PPP2CA: variants seen among roughly 807,000 people sequenced by gnomAD.
PPP2CA encodes protein phosphatase 2 catalytic subunit alpha, also known as serine/threonine-protein phosphatase 2A catalytic subunit alpha isoform.
A neutral mutation model predicts 38.8 loss-of-function variants in PPP2CA; 5 were observed. The ratio of observed to expected loss-of-function variants is 0.13; its 90% CI spans 0.07 to 0.27. The LOEUF (loss-of-function observed/expected upper bound fraction) is 0.27. PPP2CA is among the 10% of genes least tolerant of loss of function. The pLI, the probability that PPP2CA is intolerant of heterozygous loss-of-function variation, is 1.00. For synonymous variants in PPP2CA, 152 were observed against 134.0 expected (o/e 1.13, Z -0.93); for missense variants, 88 against 389.7 (o/e 0.23, Z 6.52).
intron 2 of PPP2CA, among the ~76,000 whole-genome samples, chr5:134,203,142 T>C (rs1762004199): frequency 6.6e-6 from 1 of 152,122 alleles, no homozygotes; most frequent in Non-Finnish European, 1.5e-5. Flanking sequence ...TCTGGTGTCA[T>C]CTTTTGAAAA....
At chr5:134,219,984 C>T in intron 1 of PPP2CA, among the ~76,000 whole-genome samples, 1 of 143,836 alleles carries the variant, frequency 7.0e-6, no homozygotes, top group Non-Finnish European at 1.5e-5. Flanking sequence ...GTACTCTGGC[C>T]TGGGCAACAG....
At position 134,196,362 on chromosome 5, in the gene PPP2CA, G is replaced by C. The variant is rs1035768756; in HGVS notation, c.*1410C>G. 1 of 152,156 alleles carries C rather than the reference G, an allele frequency of 6.6e-6. No individual in the cohort carries two copies. Among genetic ancestry groups the C allele is most frequent in the Non-Finnish European group, 1.5e-5 (1 of 68,022 alleles). The allele number at this position is 152,156 out of a possible 1,614,324, so 9.4% of individuals were successfully genotyped here. A position where few individuals can be genotyped will look rare whatever the true frequency, so the allele number is the denominator to read the frequency against. ...ATATCAAATATTAGTTCCCACAGAA[G>C]AACTTTTTTTTAAACATCTAATCCT... On this transcript the variant is annotated 3_prime_UTR_variant, in exon 7 of 7. Coordinates refer to ENST00000481195, the MANE Select transcript of PPP2CA (RefSeq NM_002715.4).
At chr5:134,221,269 G>A (rs535356194) in intron 1 of PPP2CA, among the ~76,000 whole-genome samples, 2 of 152,172 alleles carry the variant, frequency 1.3e-5, no homozygotes, top group East Asian at 1.9e-4. Context: ...GTGCCACCAC[G>A]CCCGGCTAAT....
intron 1 of PPP2CA, among the ~76,000 whole-genome samples, chr5:134,222,752 A>G (rs1762472418): frequency 6.6e-6 from 1 of 152,262 alleles, no homozygotes; most frequent in African/African-American, 2.4e-5. Flanking sequence ...TGCTGATTAT[A>G]GAACTGAGCC....
chr5:134,221,314 G>A (rs1056943955), intron 1 of PPP2CA, among the ~76,000 whole-genome samples: 1 of 152,130 alleles, frequency 6.6e-6, no homozygotes, highest in Non-Finnish European at 1.5e-5. Context: ...GGGCTTCACC[G>A]TGTTAGCCAG....
At chr5:134,201,788 T>G (rs2302599) in intron 3 of PPP2CA, 60 bp downstream of exon 3, 1,227,122 of 1,541,796 alleles carry the variant, frequency 0.8, 492,509 homozygotes, top group Non-Finnish European at 0.83. Flanking sequence ...CATAAGCACC[T>G]GAACACTAAA....
chr5:134,201,813 T>A (rs1222967222), intron 3 of PPP2CA, 35 bp downstream of exon 3: 1 of 1,597,110 alleles, frequency 6.3e-7, no homozygotes, highest in East Asian at 2.3e-5. Context: ...GCAGATTCTC[T>A]GAAATAATCA....
chr5:134,215,691 G>A (rs1383700601), intron 1 of PPP2CA, among the ~76,000 whole-genome samples: 1 of 152,152 alleles, frequency 6.6e-6, no homozygotes, highest in Non-Finnish European at 1.5e-5. Flanking sequence ...CTCCTGCCCT[G>A]GCCTCCCAAT....
intron 1 of PPP2CA, among the ~76,000 whole-genome samples, chr5:134,214,758 T>C: frequency 1.7e-5 from 1 of 59,202 alleles, no homozygotes; most frequent in East Asian, 2.8e-4. Context: ...AAGTAACTTT[T>C]TGGCATTTTG....
At chr5:134,213,872 G>A (rs540737138) in intron 1 of PPP2CA, among the ~76,000 whole-genome samples, 5 of 152,340 alleles carry the variant, frequency 3.3e-5, no homozygotes, top group African/African-American at 9.6e-5. Flanking sequence ...GCTCACGCCT[G>A]TAATTCTATC....
intron 1 of PPP2CA, 180 bp downstream of exon 1, chr5:134,225,559 GGCGGCGGCAACCAATCCCTGC>G: frequency 4.0e-6 from 2 of 494,738 alleles, no homozygotes; most frequent in Non-Finnish European, 7.1e-6. Flanking sequence ...CATTTTAGGC[GGCGGCGGCAACCAATCCCTGC>G]GCGGGAGGCA....
At chr5:134,224,600 T>C (rs999046877) in intron 1 of PPP2CA, among the ~76,000 whole-genome samples, 2 of 152,246 alleles carry the variant, frequency 1.3e-5, no homozygotes, top group Non-Finnish European at 2.9e-5. Flanking sequence ...AAAGTTAATT[T>C]TGAAAAGGGA....
chr5:134,203,117 T>A (rs550062468), intron 2 of PPP2CA, among the ~76,000 whole-genome samples: 168 of 152,234 alleles, frequency 1.1e-3, no homozygotes, highest in African/African-American at 3.9e-3. Flanking sequence ...AATATCTGAA[T>A]ACAAGTACTT....
chr5:134,217,207 A>AAGGTGG (rs1055156026), intron 1 of PPP2CA, among the ~76,000 whole-genome samples: 1 of 152,006 alleles, frequency 6.6e-6, no homozygotes, highest in Admixed American at 6.6e-5. Flanking sequence ...TTGAATCTGG[A>AAGGTGG]AGGTGGAGGT....
In PPP2CA at chr5:134,203,727, GT is replaced by G. The variant is rs535972546; in HGVS notation, c.313-1707del. On this transcript the variant is annotated intron_variant, in intron 2 of 6. Coordinates refer to ENST00000481195, the MANE Select transcript of PPP2CA (RefSeq NM_002715.4). ...TCAGCCCATTAACCTCCATGAGTAA[GT>G]TTTTTTCCCCCCAGATAGGATCTCA... Among the ~76,000 whole-genome samples the G allele has an allele frequency of 1.2e-4, 18 of 152,238 alleles. No homozygotes were observed. The South Asian group carries it at 1.9e-3, about 16-fold the overall frequency.
At chr5:134,225,710 T>G (rs1264727868) in intron 1 of PPP2CA, 50 bp downstream of exon 1, 2 of 1,558,122 alleles carry the variant, frequency 1.3e-6, no homozygotes, top group Non-Finnish European at 8.7e-7. Flanking sequence ...CGCCTTTTCC[T>G]CGGCGGGCTC....
intron 1 of PPP2CA, among the ~76,000 whole-genome samples, chr5:134,210,336 T>C (rs952546420): frequency 2.0e-5 from 3 of 152,152 alleles, no homozygotes; most frequent in African/African-American, 4.8e-5. Context: ...AATTTTGACA[T>C]TTGAGGTTTT....
intron 1 of PPP2CA, among the ~76,000 whole-genome samples, chr5:134,225,001 A>G (rs1246347638): frequency 6.6e-6 from 1 of 152,268 alleles, no homozygotes; most frequent in African/African-American, 2.4e-5. Context: ...TGTTAAGCTT[A>G]GAGAAGGCTT....
chr5:134,213,270 T>C (rs905188779), intron 1 of PPP2CA, among the ~76,000 whole-genome samples: 2 of 152,202 alleles, frequency 1.3e-5, no homozygotes, highest in Non-Finnish European at 2.9e-5. Flanking sequence ...TGAAAGCATT[T>C]AAGCCATTCT....
Sources: gnomAD v4.1 joint callset for allele counts (sites outside exome capture counted in the v4.1 genomes callset) on GRCh38, gnomAD v4.1.1 for gene constraint, MANE v1.5 for transcripts, NCBI Gene and HGNC (gene_info 2026-07-23, HGNC 2026-07-21) for gene names.